Variants in SFXN4 observed in about 807,000 individuals in gnomAD.
SFXN4 encodes sideroflexin-4.
Under a neutral mutation model 54.6 loss-of-function variants are expected in SFXN4, and 48 were observed. The observed-to-expected ratio is 0.88, with a 90% confidence interval of 0.70 to 1.12. SFXN4 has a LOEUF of 1.12. Ranked by LOEUF, SFXN4 falls within the 50% of genes most tolerant of loss-of-function variation. The pLI is 0.00. For missense variants in SFXN4, 383 were observed against 409.2 expected (o/e 0.94, Z 0.55); for synonymous variants, 130 against 145.5 (o/e 0.89, Z 0.77).
chr10:119,147,717 G>C (rs781343762), intron 12 of SFXN4, 58 bp downstream of exon 12: 63 of 1,474,150 alleles, frequency 4.3e-5, no homozygotes, highest in Non-Finnish European at 5.9e-5. Context: ...GTATCTGACA[G>C]GTTTTATAAG....
At chr10:119,150,145 G>GA (rs1021858323) in intron 11 of SFXN4, among the ~76,000 whole-genome samples, 2 of 138,266 alleles carry the variant, frequency 1.4e-5, no homozygotes, top group African/African-American at 5.0e-5. Flanking sequence ...AGAAAAAAAA[G>GA]ACCTTTTTTT....
intron 13 of SFXN4, among the ~76,000 whole-genome samples, chr10:119,145,615 A>G (rs2088249087): frequency 6.6e-6 from 1 of 151,854 alleles, no homozygotes; most frequent in African/African-American, 2.4e-5. Context: ...GATTTTCTTA[A>G]TAACGTTCTA....
At chr10:119,157,799 A>C in intron 8 of SFXN4, 66 bp from the exon 9 acceptor site, 5 of 1,604,984 alleles carry the variant, frequency 3.1e-6, no homozygotes, top group Non-Finnish European at 4.3e-6. Flanking sequence ...ATAATTTAAA[A>C]ACAAACACAT....
At position 119,158,201 on chromosome 10, in the gene SFXN4, G is replaced by A. The variant is rs926538040; in HGVS notation, c.361-139C>T. On this transcript the variant is annotated intron_variant, in intron 6 of 13. Transcript: ENST00000355697. Reference sequence around the variant, plus strand: ...GGAGAGGATGGTGGTGGGTACAGGGGCTGCCGGTCCGTAGACAAGGTTGAG... The same window carrying A: ...GGAGAGGATGGTGGTGGGTACAGGGACTGCCGGTCCGTAGACAAGGTTGAG... 13 of 763,356 alleles carry A rather than the reference G, an allele frequency of 1.7e-5. No individual in the cohort carries two copies. The African/African-American group carries it at 2.1e-4, about 12-fold the overall frequency. The allele number at this position is 763,356 out of a possible 1,614,324, so 47.3% of individuals were successfully genotyped here.
rs34287145 is a variant in SFXN4 at position 119,141,464 on chromosome 10, A to AT, written c.937-146dup. On this transcript the variant is annotated intron_variant, in intron 13 of 13. Transcript: ENST00000355697. ...TAATCTATAGCAGAAAATGTAACCT[A>AT]TTTTTTTTTTTAATCACCCAAGCAG... 4.7e-3 allele frequency: 1,526 copies of AT among 324,518 alleles called. 16 individuals are homozygous for AT. The highest frequency in any genetic ancestry group is 0.032 in the African/African-American group (1,366 of 42,398). 20.1% of individuals were successfully genotyped at this position (324,518 alleles called of 1,614,324 possible).
At chr10:119,146,929 A>G (rs1380663074) in intron 12 of SFXN4, among the ~76,000 whole-genome samples, 1 of 152,046 alleles carries the variant, frequency 6.6e-6, no homozygotes, top group Non-Finnish European at 1.5e-5. Context: ...CAGCCTCGCC[A>G]CACTGGTGGG....
In SFXN4 at chr10:119,140,919, C is replaced by T. The variant is rs191496503; in HGVS notation, c.*323G>A. 6 of 227,268 alleles carry T rather than the reference C, an allele frequency of 2.6e-5. No homozygotes were observed. The highest frequency in any genetic ancestry group is 5.6e-5 in the Admixed American group (1 of 17,848). 14.1% of individuals were successfully genotyped at this position (227,268 alleles called of 1,614,324 possible). On this transcript the variant is annotated 3_prime_UTR_variant, in exon 14 of 14. Coordinates refer to ENST00000355697, the MANE Select transcript of SFXN4 (RefSeq NM_213649.2). ...GGGCACGGTGGACTCTGTGTTCTTT[C>T]TTCAAATCCTCAACTTGAGACAGGT...
chr10:119,157,669 C>T lies in SFXN4; in HGVS notation c.536G>A (p.Gly179Glu), dbSNP rs748633967. The T allele has an allele frequency of 1.4e-5, 22 of 1,600,200 alleles. No homozygotes were observed. The highest frequency in any genetic ancestry group is 1.8e-5 in the Non-Finnish European group (21 of 1,174,786). The change falls in exon 9 of 14, where the codon GGA becomes GAA. Residue 179 changes from glycine to glutamate, a missense_variant and splice_region_variant. By Grantham distance (98) the Gly-to-Glu change is moderately conservative. Transcript: ENST00000355697. ...TTGACAGATTCTAAAAATACCTACT[C>T]CTAAGAAAGTTGAAGAAGCAACGGC... Reference protein sequence around the residue: ...AGAVASSTFLGVIPQFVQMKY... With the variant: ...AGAVASSTFLEVIPQFVQMKY...
intron 6 of SFXN4, among the ~76,000 whole-genome samples, chr10:119,158,910 G>A (rs1847393851): frequency 6.6e-6 from 1 of 152,048 alleles, no homozygotes. Flanking sequence ...CTGAGCCTAG[G>A]AGTTTGAAGT....
At chr10:119,162,054 G>T (rs1847572200) in intron 3 of SFXN4, 1 of 437,408 alleles carries the variant, frequency 2.3e-6, no homozygotes, top group East Asian at 4.0e-5. Context: ...CAGCTGCAGG[G>T]AATCCCCACA....
chr10:119,157,811 C>A (rs1847332447), intron 8 of SFXN4, 60 bp downstream of exon 8: 17 of 1,606,388 alleles, frequency 1.1e-5, no homozygotes, highest in Non-Finnish European at 1.4e-5. Flanking sequence ...CAAACACATA[C>A]AACAAACTCC....
At chr10:119,152,921 GCTGTTCCACT>G (rs1847128869) in intron 11 of SFXN4, among the ~76,000 whole-genome samples, 1 of 152,072 alleles carries the variant, frequency 6.6e-6, no homozygotes, top group South Asian at 2.1e-4. Flanking sequence ...TCATATCAGG[GCTGTTCCACT>G]CTGCTTGATA....
intron 10 of SFXN4, among the ~76,000 whole-genome samples, chr10:119,156,083 C>T (rs371436575): frequency 2.0e-5 from 3 of 152,062 alleles, no homozygotes; most frequent in African/African-American, 7.2e-5. Context: ...AAGTTGTTGT[C>T]GGGATTAAGT....
intron 13 of SFXN4, among the ~76,000 whole-genome samples, chr10:119,145,506 G>A (rs908928171): frequency 4.0e-5 from 6 of 151,884 alleles, no homozygotes; most frequent in South Asian, 2.1e-4. Context: ...GTTTTGCCAC[G>A]TTGGCCAAGC....
chr10:119,162,194 C>A (rs1589649552), intron 3 of SFXN4, 146 bp downstream of exon 3: 1 of 656,348 alleles, frequency 1.5e-6, no homozygotes, highest in South Asian at 1.9e-5. Flanking sequence ...GCATTAATAG[C>A]CAATAGAACA....
intron 12 of SFXN4, 109 bp from the exon 13 acceptor site, chr10:119,146,462 CACGTG>C (rs1846811312): frequency 2.1e-6 from 1 of 470,820 alleles, no homozygotes; most frequent in Non-Finnish European, 3.7e-6. Context: ...TGTGTGTGTG[CACGTG>C]TGTGTGTACC....
intron 13 of SFXN4, among the ~76,000 whole-genome samples, chr10:119,141,648 T>C (rs962967965): frequency 6.6e-5 from 10 of 151,812 alleles, no homozygotes; most frequent in African/African-American, 2.2e-4. Flanking sequence ...GTAGCTGGGA[T>C]TGGGATTACA....
rs1348871621 is a variant in SFXN4 at position 119,141,227 on chromosome 10, A to C, written c.*15T>G. 1.3e-6 allele frequency: 2 copies of C among 1,587,686 alleles called. No homozygotes were observed. The highest frequency in any genetic ancestry group is 1.7e-6 in the Non-Finnish European group (2 of 1,162,554). On this transcript the variant is annotated 3_prime_UTR_variant, in exon 14 of 14. Transcript: ENST00000355697. The stretch of plus-strand genomic sequence containing the variant: ...TTTCAAGCAGGAACCACATAAATTC[A>C]CCTAAAACTCACGCCTACACCCCTC...
chr10:119,151,682 A>G (rs910547811), intron 11 of SFXN4, among the ~76,000 whole-genome samples: 7 of 150,728 alleles, frequency 4.6e-5, no homozygotes, highest in African/African-American at 1.7e-4. Context: ...TGCCCGGCTA[A>G]TTTTGGTATT....
Sources: allele counts gnomAD v4.1 joint callset (sites outside exome capture counted in the v4.1 genomes callset), GRCh38; gene constraint gnomAD v4.1.1; transcripts MANE v1.5; gene names NCBI Gene and HGNC (gene_info 2026-07-23, HGNC 2026-07-21).